ANO6: variants seen among roughly 807,000 people sequenced by gnomAD.
ANO6 encodes anoctamin 6.
A neutral mutation model predicts 117.5 loss-of-function variants in ANO6; 106 were observed. The observed-to-expected ratio is 0.90, with a 90% confidence interval of 0.77 to 1.06. The LOEUF (loss-of-function observed/expected upper bound fraction) is 1.06, where lower values mean the gene tolerates loss of function less well. Ranked by LOEUF, ANO6 falls within the 50% of genes least tolerant of loss-of-function variation. The pLI, the probability that ANO6 is intolerant of heterozygous loss-of-function variation, is 0.00. For missense variants in ANO6, 955 were observed against 1,121.1 expected (o/e 0.85, Z 2.12); for synonymous variants, 367 against 385.1 (o/e 0.95, Z 0.55).
intron 1 of ANO6, chr12:45,292,842 C>T: frequency 6.5e-7 from 1 of 1,538,954 alleles, no homozygotes; most frequent in Non-Finnish European, 8.8e-7. Context: ...AGAGTTGTCA[C>T]TTAAGGTAGA....
intron 1 of ANO6, among the ~76,000 whole-genome samples, chr12:45,248,662 C>A (rs1947859869): frequency 6.6e-6 from 1 of 152,002 alleles, no homozygotes; most frequent in Non-Finnish European, 1.5e-5. Flanking sequence ...TCGTGACCCG[C>A]CCGCCTCAGC....
intron 1 of ANO6, among the ~76,000 whole-genome samples, chr12:45,291,861 T>C (rs1343227808): frequency 6.6e-6 from 1 of 152,130 alleles, no homozygotes; most frequent in African/African-American, 2.4e-5. Context: ...CCTCATACAT[T>C]GCTGATGGGA....
chr12:45,375,936 A>C (rs1315102197), intron 9 of ANO6, among the ~76,000 whole-genome samples: 1 of 148,356 alleles, frequency 6.7e-6, no homozygotes, highest in Non-Finnish European at 1.5e-5. Flanking sequence ...GAATGGGAGA[A>C]AATTTTCGCA....
chr12:45,305,446 A>G (rs1376609295), intron 2 of ANO6, among the ~76,000 whole-genome samples: 1 of 152,206 alleles, frequency 6.6e-6, no homozygotes, highest in Non-Finnish European at 1.5e-5. Flanking sequence ...TTTGTTGAAT[A>G]TATTGATAAG....
intron 15 of ANO6, among the ~76,000 whole-genome samples, chr12:45,405,600 C>T (rs1266258878): frequency 6.6e-6 from 1 of 152,088 alleles, no homozygotes; most frequent in Non-Finnish European, 1.5e-5. Context: ...CTTTTTTATA[C>T]AAAGTCCTAA....
chr12:45,268,168 G>A (rs895034319), intron 1 of ANO6, among the ~76,000 whole-genome samples: 1 of 152,142 alleles, frequency 6.6e-6, no homozygotes, highest in Non-Finnish European at 1.5e-5. Flanking sequence ...ATTAACAGGC[G>A]TGTAGATTGT....
chr12:45,336,822 C>T (rs945752935), intron 3 of ANO6, among the ~76,000 whole-genome samples: 10 of 151,890 alleles, frequency 6.6e-5, no homozygotes, highest in African/African-American at 2.4e-4. Flanking sequence ...TGTAAAACAG[C>T]CTCAGGCAGG....
intron 2 of ANO6, among the ~76,000 whole-genome samples, chr12:45,324,018 A>G (rs1456856000): frequency 6.8e-6 from 1 of 146,336 alleles, no homozygotes; most frequent in African/African-American, 2.5e-5. Context: ...GCTCACTGCA[A>G]CCTCCGCCTC....
intron 3 of ANO6, among the ~76,000 whole-genome samples, chr12:45,334,073 A>T (rs1053609349): frequency 6.6e-6 from 1 of 152,046 alleles, no homozygotes; most frequent in Non-Finnish European, 1.5e-5. Flanking sequence ...TTTCTAGCCA[A>T]ACCTCCAAAT....
In ANO6 at chr12:45,429,085, T is replaced by C. The variant is rs1555181847; in HGVS notation, c.2527-20T>C. 1.2e-6 allele frequency: 2 copies of C among 1,611,940 alleles called. No individual in the cohort carries two copies. The highest frequency in any genetic ancestry group is 2.2e-5 in the South Asian group (2 of 90,878). On this transcript the variant is annotated intron_variant, in intron 19 of 19. Transcript: ENST00000320560. ...CCTCCATTTCTTTGTGAGTGACATT[T>C]TTCTTCTTCTCTTCCCCAGCACGTC...
In ANO6 at chr12:45,430,622, G is replaced by A. The variant is rs1248663640; in HGVS notation, c.*1311G>A. On this transcript the variant is annotated 3_prime_UTR_variant, in exon 20 of 20. Transcript: ENST00000320560. ...ATTTGATTTTTTAGCCTCCTCTAGAGCCAATCAGGCAGTTAAGAGTAATAA... is the reference window on the plus strand; with the variant it reads ...ATTTGATTTTTTAGCCTCCTCTAGAACCAATCAGGCAGTTAAGAGTAATAA... The A allele has an allele frequency of 1.0e-6, 1 of 985,264 alleles. No homozygotes were observed. The highest frequency in any genetic ancestry group is 1.2e-6 in the Non-Finnish European group (1 of 829,910). 61.0% of individuals were successfully genotyped at this position (985,264 alleles called of 1,614,324 possible).
intron 3 of ANO6, among the ~76,000 whole-genome samples, chr12:45,337,458 G>A (rs1167997864): frequency 1.3e-5 from 2 of 151,988 alleles, no homozygotes; most frequent in Admixed American, 1.3e-4. Context: ...GTTTGTGTAT[G>A]TTCATATGTA....
intron 6 of ANO6, among the ~76,000 whole-genome samples, chr12:45,348,941 G>A: frequency 6.6e-6 from 1 of 152,248 alleles, no homozygotes; most frequent in Middle Eastern, 3.4e-3. Flanking sequence ...TGCCTGCCCT[G>A]CCACTTTCTA....
chr12:45,335,435 T>G (rs1174903191), intron 3 of ANO6: 1 of 151,922 alleles, frequency 6.6e-6, no homozygotes, highest in Non-Finnish European at 1.5e-5. Context: ...TACCAAAAAG[T>G]TTTACTATGA....
rs116605565 is a variant in ANO6 at position 45,297,747 on chromosome 12, G to C, written c.71-4267G>C. Among the ~76,000 whole-genome samples the C allele has an allele frequency of 9.6e-3, 1,458 of 152,098 alleles. 24 individuals are homozygous for C. Among genetic ancestry groups the C allele is most frequent in the African/African-American group, 0.033 (1,372 of 41,498 alleles). On this transcript the variant is annotated intron_variant, in intron 1 of 19. Transcript: ENST00000320560. ...AAAGTATGCTCTTTTATTTTTCACT[G>C]TGTTATATAATTAATTCTATTGAAT... is the stretch of plus-strand genomic sequence containing the variant.
intron 8 of ANO6, among the ~76,000 whole-genome samples, chr12:45,363,563 CAA>C (rs528756231): frequency 1.6e-4 from 18 of 113,730 alleles, no homozygotes; most frequent in Admixed American, 3.7e-4. Context: ...GACTCTGTCT[CAA>C]AAAAAAAAAA....
chr12:45,390,632 A>G, intron 12 of ANO6, 134 bp downstream of exon 12: 1 of 814,382 alleles, frequency 1.2e-6, no homozygotes, highest in South Asian at 1.5e-5. Context: ...AGAGAGACAG[A>G]CAGATATTTC....
At chr12:45,229,187 C>G (rs916024533) in intron 1 of ANO6, among the ~76,000 whole-genome samples, 2 of 152,100 alleles carry the variant, frequency 1.3e-5, no homozygotes, top group Non-Finnish European at 2.9e-5. Context: ...AAGATTATTT[C>G]TGCCATCTGT....
At chr12:45,286,950 G>T (rs1007072020) in intron 1 of ANO6, among the ~76,000 whole-genome samples, 1 of 152,156 alleles carries the variant, frequency 6.6e-6, no homozygotes, top group African/African-American at 2.4e-5. Flanking sequence ...CCAGCAGCCA[G>T]TCTTATATTA....
Sources: allele counts gnomAD v4.1 joint callset (sites outside exome capture counted in the v4.1 genomes callset), GRCh38; gene constraint gnomAD v4.1.1; transcripts MANE v1.5; gene names NCBI Gene and HGNC (gene_info 2026-07-23, HGNC 2026-07-21).